NIPA1: variants seen among roughly 807,000 people sequenced by gnomAD.
NIPA1 encodes magnesium transporter NIPA1.
In NIPA1, 13 loss-of-function variants were observed where a neutral mutation model predicts 23.9. The observed-to-expected ratio is 0.54, with a 90% CI of 0.35 to 0.87. The LOEUF (loss-of-function observed/expected upper bound fraction) is 0.87. Among genes scored for constraint, NIPA1 ranks in the 40% least tolerant of loss-of-function variants. NIPA1 has a pLI of 0.01. For synonymous variants in NIPA1, 234 were observed against 202.9 expected (o/e 1.15, Z -1.30); for missense variants, 362 against 429.7 (o/e 0.84, Z 1.39).
At chr15:22,814,264 GT>G (rs535968433) in intron 3 of NIPA1, 1,583 of 249,138 alleles carry the variant, frequency 6.4e-3, no homozygotes, top group South Asian at 0.016. Flanking sequence ...TTTTTTTTTT[GT>G]TTTTTTTTTT....
intron 1 of NIPA1, among the ~76,000 whole-genome samples, chr15:22,802,263 A>ATG (rs1595635569): frequency 4.6e-5 from 7 of 151,860 alleles, no homozygotes; most frequent in East Asian, 3.9e-4. Flanking sequence ...GTGGTGGCAC[A>ATG]TGCCTGTAAT....
intron 4 of NIPA1, 89 bp downstream of exon 4, chr15:22,820,562 C>T (rs568547099): frequency 4.2e-6 from 4 of 962,044 alleles, no homozygotes; most frequent in African/African-American, 1.6e-5. Context: ...TGCTTCCTGG[C>T]AGGGCAGAGG....
rs886051003 is a variant in NIPA1, at chr15:22,825,019, G to A, written c.*780G>A. 6.6e-6 allele frequency: 1 copy of A among 152,516 alleles called. No individual in the cohort carries two copies. The highest frequency in any genetic ancestry group is 1.5e-5 in the Non-Finnish European group (1 of 68,034). 9.4% of individuals were successfully genotyped at this position (152,516 alleles called of 1,614,324 possible). A position where few individuals can be genotyped will look rare whatever the true frequency, so the allele number is the denominator to read the frequency against. ...AATATTCAAGTTACAAATGTATAAG[G>A]CAGTTAGAAATAATACAGTCACATG... On this transcript the variant is annotated 3_prime_UTR_variant, in exon 5 of 5. Transcript: ENST00000337435.
chr15:22,801,323 A>G (rs1895073150), intron 1 of NIPA1, among the ~76,000 whole-genome samples: 1 of 152,044 alleles, frequency 6.6e-6, no homozygotes, highest in Admixed American at 6.6e-5. Flanking sequence ...GCACGCTAGT[A>G]CAGGTATAAT....
intron 3 of NIPA1, among the ~76,000 whole-genome samples, chr15:22,813,229 T>C (rs1008475955): frequency 6.6e-6 from 1 of 152,170 alleles, no homozygotes; most frequent in Non-Finnish European, 1.5e-5. Context: ...CTGAGGACTC[T>C]GGGAACTGAG....
intron 1 of NIPA1, among the ~76,000 whole-genome samples, chr15:22,788,919 T>TAAAAAAAAAAAAAAAAAAAAAAAAAAAA (rs199860403): frequency 1.3e-5 from 1 of 78,814 alleles, no homozygotes; most frequent in African/African-American, 5.1e-5. Flanking sequence ...GGCTCTGTCT[T>TAAAAAAAAAAAAAAAAAAAAAAAAAAAA]AAAAAAAAAA....
intron 1 of NIPA1, among the ~76,000 whole-genome samples, chr15:22,787,659 A>G (rs1764909418): frequency 6.6e-6 from 1 of 152,150 alleles, no homozygotes; most frequent in Non-Finnish European, 1.5e-5. Flanking sequence ...AGGCTGTGAA[A>G]CAGTCCGTTT....
intron 3 of NIPA1, among the ~76,000 whole-genome samples, chr15:22,820,019 C>T (rs544759706): frequency 1.8e-4 from 28 of 151,894 alleles, no homozygotes; most frequent in Non-Finnish European, 3.2e-4. Flanking sequence ...TCTAGTGAGA[C>T]CCAGTCTCTA....
intron 1 of NIPA1, among the ~76,000 whole-genome samples, chr15:22,799,642 T>C (rs898229017): frequency 2.0e-5 from 3 of 151,630 alleles, no homozygotes; most frequent in African/African-American, 4.8e-5. Context: ...ATTAGCCAGG[T>C]GTGGCGGCAG....
At chr15:22,817,543 C>G (rs1895451115) in intron 3 of NIPA1, among the ~76,000 whole-genome samples, 1 of 151,270 alleles carries the variant, frequency 6.6e-6, no homozygotes, top group Admixed American at 6.6e-5. Flanking sequence ...TGGCTGATGC[C>G]TGTAATCCCA....
intron 1 of NIPA1, among the ~76,000 whole-genome samples, chr15:22,798,093 C>T (rs1414851332): frequency 2.7e-5 from 4 of 150,376 alleles, no homozygotes; most frequent in Admixed American, 1.3e-4. Context: ...GTGATCCCCC[C>T]GCCTCAGCCT....
At chr15:22,804,877 C>T (rs961561578) in intron 1 of NIPA1, among the ~76,000 whole-genome samples, 2 of 152,168 alleles carry the variant, frequency 1.3e-5, no homozygotes, top group East Asian at 1.9e-4. Context: ...CGCTCTGTCG[C>T]CCAGGCTGGA....
At chr15:22,810,949 T>C in intron 2 of NIPA1, 153 bp downstream of exon 2, 2 of 718,266 alleles carry the variant, frequency 2.8e-6, no homozygotes, top group East Asian at 2.6e-5. Flanking sequence ...GCCTTTCAGT[T>C]CGGATGTCCC....
At chr15:22,805,461 C>T (rs750649525) in intron 1 of NIPA1, among the ~76,000 whole-genome samples, 59 of 152,062 alleles carry the variant, frequency 3.9e-4, no homozygotes, top group Admixed American at 8.5e-4. Flanking sequence ...CCGAGGTGAG[C>T]GGATCACCTG....
intron 1 of NIPA1, among the ~76,000 whole-genome samples, chr15:22,802,517 C>T (rs1595635686): frequency 6.6e-6 from 1 of 151,990 alleles, no homozygotes; most frequent in Non-Finnish European, 1.5e-5. Flanking sequence ...AAATCCTCAC[C>T]ACCAAGAAAT....
At chr15:22,817,046 G>T (rs1182765718) in intron 3 of NIPA1, among the ~76,000 whole-genome samples, 1 of 151,330 alleles carries the variant, frequency 6.6e-6, no homozygotes, top group East Asian at 2.0e-4. Context: ...AATCAGCCAG[G>T]TGTGGTGGCA....
intron 1 of NIPA1, among the ~76,000 whole-genome samples, chr15:22,805,612 G>A (rs1297006943): frequency 6.6e-6 from 1 of 152,142 alleles, no homozygotes; most frequent in East Asian, 1.9e-4. Flanking sequence ...TTTGAACCCA[G>A]GAGTCAGAGG....
chr15:22,813,369 G>C (rs1345210239), intron 3 of NIPA1, among the ~76,000 whole-genome samples: 3 of 152,002 alleles, frequency 2.0e-5, no homozygotes, highest in Non-Finnish European at 4.4e-5. Context: ...CTTCCTATAA[G>C]GTTGCCCAGT....
chr15:22,823,628 GC>G, intron 4 of NIPA1, 99 bp from the exon 5 acceptor site: 1 of 1,203,922 alleles, frequency 8.3e-7, no homozygotes, highest in South Asian at 1.3e-5. Flanking sequence ...GAGGCCGGTG[GC>G]GGGTGGCGGG....
Sources: gnomAD v4.1 joint callset for allele counts (sites outside exome capture counted in the v4.1 genomes callset) on GRCh38, gnomAD v4.1.1 for gene constraint, MANE v1.5 for transcripts, NCBI Gene and HGNC (gene_info 2026-07-23, HGNC 2026-07-21) for gene names.